ANKS1B: variants seen among roughly 807,000 people sequenced by gnomAD.
ANKS1B encodes ankyrin repeat and sterile alpha motif domain containing 1B, also known as ankyrin repeat and sterile alpha motif domain-containing protein 1B.
In ANKS1B, 36 loss-of-function variants were observed where a neutral mutation model predicts 148.3. The ratio of observed to expected loss-of-function variants is 0.24; its 90% confidence interval spans 0.19 to 0.32. The LOEUF is 0.32. ANKS1B is among the 10% of genes least tolerant of loss of function. The pLI, the probability that ANKS1B is intolerant of heterozygous loss-of-function variation, is 1.00. For synonymous variants in ANKS1B, 542 were observed against 560.8 expected (o/e 0.97, Z 0.47); for missense variants, 1,157 against 1,542.6 (o/e 0.75, Z 4.19).
At chr12:99,081,733 T>C (rs1308656021) in intron 16 of ANKS1B, among the ~76,000 whole-genome samples, 2 of 152,194 alleles carry the variant, frequency 1.3e-5, no homozygotes, top group Admixed American at 1.3e-4. Context: ...AACACTTCAT[T>C]TATTCTTCAA....
chr12:99,585,307 C>T (rs2097620496), intron 9 of ANKS1B, among the ~76,000 whole-genome samples: 1 of 152,176 alleles, frequency 6.6e-6, no homozygotes. Flanking sequence ...AAATGATCTC[C>T]TTTGACGCCA....
chr12:99,120,047 C>G (rs1287147095), intron 15 of ANKS1B, among the ~76,000 whole-genome samples: 1 of 152,172 alleles, frequency 6.6e-6, no homozygotes, highest in Admixed American at 6.5e-5. Flanking sequence ...AGTTCAAGGT[C>G]GCCTGTCCCG....
At chr12:99,677,226 C>G (rs577228376) in intron 8 of ANKS1B, among the ~76,000 whole-genome samples, 1 of 152,310 alleles carries the variant, frequency 6.6e-6, no homozygotes, top group South Asian at 2.1e-4. Context: ...ATCTCCGTTT[C>G]TAGGTCCTGC....
chr12:99,029,691 T>C (rs1385491160), intron 17 of ANKS1B, among the ~76,000 whole-genome samples: 1 of 152,196 alleles, frequency 6.6e-6, no homozygotes, highest in Admixed American at 6.5e-5. Context: ...CAGCATGAAA[T>C]GTACTTAATG....
intron 9 of ANKS1B, among the ~76,000 whole-genome samples, chr12:99,539,022 T>C (rs1377181408): frequency 6.6e-6 from 1 of 152,220 alleles, no homozygotes; most frequent in Admixed American, 6.5e-5. Context: ...CTTCATTCTG[T>C]TGATATGATA....
intron 11 of ANKS1B, among the ~76,000 whole-genome samples, chr12:99,438,884 AG>A (rs780681789): frequency 5.3e-5 from 8 of 151,856 alleles, no homozygotes; most frequent in Non-Finnish European, 1.0e-4. Flanking sequence ...AATAAGAAAA[AG>A]AAATAAAAGG....
chr12:99,660,758 C>T (rs1347669761), intron 8 of ANKS1B, among the ~76,000 whole-genome samples: 6 of 152,144 alleles, frequency 3.9e-5, no homozygotes, highest in Non-Finnish European at 8.8e-5. Context: ...TTTTCCTCTT[C>T]CTTAAAACCT....
chr12:99,787,568 C>A (rs1429221324), intron 4 of ANKS1B, among the ~76,000 whole-genome samples: 1 of 152,100 alleles, frequency 6.6e-6, no homozygotes, highest in African/African-American at 2.4e-5. Flanking sequence ...AGCAAAATTG[C>A]AGAATATAAG....
intron 17 of ANKS1B, among the ~76,000 whole-genome samples, chr12:98,904,179 G>A (rs2099775916): frequency 6.6e-6 from 1 of 152,076 alleles, no homozygotes; most frequent in Non-Finnish European, 1.5e-5. Context: ...TGAAGCAAGG[G>A]CTATGGGGGT....
At chr12:99,097,707 G>A (rs1176602884) in intron 15 of ANKS1B, among the ~76,000 whole-genome samples, 4 of 152,070 alleles carry the variant, frequency 2.6e-5, no homozygotes, top group African/African-American at 9.7e-5. Flanking sequence ...AAATGAGCAC[G>A]GGATTAGGAG....
intron 12 of ANKS1B, among the ~76,000 whole-genome samples, chr12:99,311,561 T>G (rs1400530505): frequency 6.6e-6 from 1 of 152,078 alleles, no homozygotes; most frequent in East Asian, 1.9e-4. Context: ...GAAGAACAAT[T>G]CTGTATGCAA....
chr12:99,790,759 A>G (rs1021471830), intron 4 of ANKS1B, among the ~76,000 whole-genome samples: 2 of 152,112 alleles, frequency 1.3e-5, no homozygotes, highest in Admixed American at 6.6e-5. Flanking sequence ...AAAAACATAC[A>G]ATGGGTACGC....
intron 17 of ANKS1B, among the ~76,000 whole-genome samples, chr12:98,881,895 T>C (rs551224103): frequency 2.2e-4 from 34 of 152,164 alleles, no homozygotes; most frequent in Admixed American, 1.2e-3. Context: ...AATAAGTATA[T>C]ACTTCACATG....
rs74710017 is a variant in ANKS1B, at chr12:98,970,416, C to T, written c.2778+82741G>A. 3.1e-3 allele frequency among the ~76,000 whole-genome samples: 476 copies of T among 152,248 alleles called. 2 individuals carry two copies. Among genetic ancestry groups the T allele is most frequent in the African/African-American group, 0.011 (452 of 41,530 alleles). Reference sequence around the variant, plus strand: ...CTTGCCAATATTAGGCTGGTTTGGCCTAGCATAGTACCTGGCACACAGCAG... The same window carrying T: ...CTTGCCAATATTAGGCTGGTTTGGCTTAGCATAGTACCTGGCACACAGCAG... On this transcript the variant is annotated intron_variant, in intron 17 of 26. Coordinates refer to ENST00000683438, the MANE Select transcript of ANKS1B (RefSeq NM_001352186.2).
intron 12 of ANKS1B, among the ~76,000 whole-genome samples, chr12:99,264,361 TTCTG>T (rs1307147300): frequency 1.3e-5 from 2 of 152,178 alleles, no homozygotes; most frequent in Admixed American, 6.5e-5. Context: ...TATACATTTC[TTCTG>T]TCTATTAAAT....
intron 15 of ANKS1B, among the ~76,000 whole-genome samples, chr12:99,092,649 T>C (rs1244646966): frequency 6.6e-6 from 1 of 152,168 alleles, no homozygotes; most frequent in Non-Finnish European, 1.5e-5. Flanking sequence ...ATGGCGCCCT[T>C]GTACGTTCAT....
chr12:99,715,376 C>T (rs939231692), intron 8 of ANKS1B, among the ~76,000 whole-genome samples: 15 of 152,154 alleles, frequency 9.9e-5, no homozygotes, highest in African/African-American at 3.6e-4. Flanking sequence ...AGCTCCCCTA[C>T]TGAGCACCTT....
intron 26 of ANKS1B, among the ~76,000 whole-genome samples, chr12:98,747,498 T>C (rs1044757158): frequency 6.6e-6 from 1 of 152,176 alleles, no homozygotes; most frequent in Non-Finnish European, 1.5e-5. Context: ...ACTTCTACAC[T>C]GTTGGTAGGA....
At chr12:98,756,556 C>CAAAAAAAAAAAAA (rs536086383) in intron 25 of ANKS1B, among the ~76,000 whole-genome samples, 1 of 104,562 alleles carries the variant, frequency 9.6e-6, no homozygotes, top group Non-Finnish European at 2.0e-5. Context: ...ACTAAAAATA[C>CAAAAAAAAAAAAA]AAAAAAAAAA....
Sources: allele counts gnomAD v4.1 joint callset (sites outside exome capture counted in the v4.1 genomes callset), GRCh38; gene constraint gnomAD v4.1.1; transcripts MANE v1.5; gene names NCBI Gene and HGNC (gene_info 2026-07-23, HGNC 2026-07-21).